NUP155: variants seen among roughly 807,000 people sequenced by gnomAD.
NUP155 encodes the protein nucleoporin 155, also known as nuclear pore complex protein Nup155.
Under a neutral mutation model 180.4 loss-of-function variants are expected in NUP155, and 71 were observed. The observed-to-expected ratio is 0.39, with a 90% CI of 0.33 to 0.48. NUP155 has a LOEUF of 0.48. Ranked by LOEUF, NUP155 falls within the 20% of genes least tolerant of loss-of-function variation. The probability of loss-of-function intolerance (pLI) is 0.91; values close to 1 mark genes in which losing one functional copy is unlikely to be tolerated. For missense variants in NUP155, 1,553 were observed against 1,648.9 expected, an observed-to-expected ratio of 0.94 and a Z score of 1.01; for synonymous variants, 582 against 559.5, an observed-to-expected ratio of 1.04 and a Z score of -0.57.
intron 20 of NUP155, among the ~76,000 whole-genome samples, chr5:37,318,355 A>G (rs1744035617): frequency 6.6e-6 from 1 of 152,108 alleles, no homozygotes; most frequent in Non-Finnish European, 1.5e-5. Context: ...TCAAGTAAAA[A>G]GAGGGGGTAA....
In NUP155 at chr5:37,299,430, C is replaced by G. The variant is rs371935922; in HGVS notation, c.3682+18G>C. The G allele has an allele frequency of 1.4e-5, 23 of 1,613,812 alleles. No individual in the cohort carries two copies. Among genetic ancestry groups the G allele is most frequent in the Non-Finnish European group, 1.9e-5 (22 of 1,179,914 alleles). ...CACTACATAACGTATGCTAACATAC[C>G]TATAACTGAACACTTACCTTTCTCT... On this transcript the variant is annotated intron_variant, in intron 31 of 34. Coordinates refer to ENST00000231498, the MANE Select transcript of NUP155 (RefSeq NM_153485.3).
At chr5:37,358,023 T>C in intron 4 of NUP155, 58 bp downstream of exon 4, 5 of 1,183,198 alleles carry the variant, frequency 4.2e-6, no homozygotes, top group Non-Finnish European at 6.3e-6. Context: ...TTCAGGTCTA[T>C]ACCATTTGGA....
chr5:37,336,185 TA>T (rs1052661210), intron 12 of NUP155, among the ~76,000 whole-genome samples: 2 of 151,206 alleles, frequency 1.3e-5, no homozygotes, highest in Admixed American at 6.6e-5. Context: ...GCATTTGTTC[TA>T]AAAAAAAAGT....
At chr5:37,337,044 T>G (rs892562442) in intron 12 of NUP155, among the ~76,000 whole-genome samples, 5 of 152,064 alleles carry the variant, frequency 3.3e-5, no homozygotes, top group African/African-American at 1.2e-4. Context: ...GCAGGACTAT[T>G]CAGGAGGACA....
chr5:37,294,239 A>G, intron 33 of NUP155, 90 bp downstream of exon 33: 1 of 890,884 alleles, frequency 1.1e-6, no homozygotes. Flanking sequence ...GTGATAGGAT[A>G]CAAAAATGCA....
intron 3 of NUP155, among the ~76,000 whole-genome samples, chr5:37,363,442 A>C (rs1448836811): frequency 6.6e-6 from 1 of 152,246 alleles, no homozygotes; most frequent in Non-Finnish European, 1.5e-5. Flanking sequence ...GCTTTCACTC[A>C]GAATCATTTC....
chr5:37,340,385 C>T (rs1745633736), intron 11 of NUP155, among the ~76,000 whole-genome samples: 1 of 151,456 alleles, frequency 6.6e-6, no homozygotes, highest in African/African-American at 2.4e-5. Context: ...GCGGAGGTTG[C>T]AGTGAGCAGA....
At chr5:37,299,877 TA>T (rs11346142) in intron 30 of NUP155, among the ~76,000 whole-genome samples, 45,582 of 145,584 alleles carry the variant, frequency 0.31, 10,383 homozygotes, top group African/African-American at 0.65. Flanking sequence ...TACTAAAATT[TA>T]AAAAAAAAAA....
At position 37,348,515 on chromosome 5, in the gene NUP155, TACC is replaced by T; in HGVS notation, c.982_984del (p.Gly328del). ...TAAATTACATGTTACCTAGCAATGTTACCAGCAGCAGAGACAATGGCATTCTGT... is the reference window on the plus strand; with the variant it reads ...TAAATTACATGTTACCTAGCAATGTTAGCAGCAGAGACAATGGCATTCTGT... On this transcript the variant is annotated inframe_deletion, in exon 9 of 35. Transcript: ENST00000231498. The T allele has an allele frequency of 6.2e-7, 1 of 1,602,174 alleles. No individual in the cohort carries two copies. The highest frequency in any genetic ancestry group is 8.6e-7 in the Non-Finnish European group (1 of 1,169,170).
rs58198308 is a variant in NUP155, at chr5:37,368,209, C to CTTTTT, written c.157+2607_157+2611dup. On this transcript the variant is annotated intron_variant, in intron 1 of 34. Transcript: ENST00000231498. Reference sequence around the variant, plus strand: ...ACAGGCATGAGGCACAGCGCCAGGCCTTTTTTTTTTTTTTTTTTTTTTTTT... The same window carrying CTTTTT: ...ACAGGCATGAGGCACAGCGCCAGGCCTTTTTTTTTTTTTTTTTTTTTTTTTTTTTT... Among the ~76,000 whole-genome samples, 8 of 52,868 alleles carry CTTTTT rather than the reference C, an allele frequency of 1.5e-4. 1 individual carries two copies. Among genetic ancestry groups the CTTTTT allele is most frequent in the African/African-American group, 6.0e-4 (8 of 13,236 alleles). 34.7% of individuals were successfully genotyped at this position (52,868 alleles called of 152,430 possible). A position where few individuals can be genotyped will look rare whatever the true frequency, so the allele number is the denominator to read the frequency against.
chr5:37,365,735 A>AT (rs1363145775), intron 1 of NUP155, among the ~76,000 whole-genome samples: 4 of 46,218 alleles, frequency 8.7e-5, no homozygotes, highest in African/African-American at 2.5e-4. Context: ...AAAAAAAAAA[A>AT]AAAATATATA....
At chr5:37,338,591 G>A (rs1353194571) in intron 11 of NUP155, among the ~76,000 whole-genome samples, 1 of 151,888 alleles carries the variant, frequency 6.6e-6, no homozygotes, top group African/African-American at 2.4e-5. Context: ...ATTTTTAGTA[G>A]AGACGAGGTT....
chr5:37,322,752 T>A (rs1306173306), intron 20 of NUP155, among the ~76,000 whole-genome samples: 2 of 148,306 alleles, frequency 1.3e-5, no homozygotes, highest in Non-Finnish European at 3.0e-5. Context: ...GTGGATCACC[T>A]GAAGGTGGTC....
chr5:37,304,334 C>T (rs1345039127), intron 27 of NUP155, among the ~76,000 whole-genome samples: 1 of 150,962 alleles, frequency 6.6e-6, no homozygotes, highest in African/African-American at 2.4e-5. Flanking sequence ...GCTATTGATT[C>T]CTAGACATTG....
In NUP155 at chr5:37,293,012, G is replaced by A. The variant is rs766474660; in HGVS notation, c.3931-27C>T. On this transcript the variant is annotated intron_variant, in intron 33 of 34. Transcript: ENST00000231498. Reference sequence around the variant, plus strand: ...TATGAAGAAATATACATAATGAAATGTGAGGCAAATTGTGTCAATTGATTA... The same window carrying A: ...TATGAAGAAATATACATAATGAAATATGAGGCAAATTGTGTCAATTGATTA... 1.8e-4 allele frequency: 256 copies of A among 1,410,720 alleles called. 1 individual carries two copies. The highest frequency in any genetic ancestry group is 1.3e-5 in the Non-Finnish European group (13 of 995,164). The allele number at this position is 1,410,720 out of a possible 1,614,324, so 87.4% of individuals were successfully genotyped here.
At chr5:37,353,460 T>C (rs1451686425) in intron 4 of NUP155, among the ~76,000 whole-genome samples, 2 of 151,986 alleles carry the variant, frequency 1.3e-5, no homozygotes, top group Non-Finnish European at 2.9e-5. Context: ...CACGTGCCTG[T>C]AGTACCAGCT....
chr5:37,329,873 T>C (rs1288679967), intron 15 of NUP155, among the ~76,000 whole-genome samples, 165 bp downstream of exon 15: 1 of 152,238 alleles, frequency 6.6e-6, no homozygotes, highest in Non-Finnish European at 1.5e-5. Flanking sequence ...TTGCTTCTAT[T>C]ACCATTATAA....
intron 32 of NUP155, 93 bp downstream of exon 32, chr5:37,298,769 AAACTCT>A: frequency 1.3e-6 from 1 of 742,644 alleles, no homozygotes; most frequent in South Asian, 1.5e-5. Context: ...AATAGCAAAG[AAACTCT>A]TTATTTTACT....
At chr5:37,369,487 G>C (rs748216894) in intron 1 of NUP155, among the ~76,000 whole-genome samples, 2 of 152,184 alleles carry the variant, frequency 1.3e-5, no homozygotes, top group Non-Finnish European at 2.9e-5. Context: ...GGGTGAAAGA[G>C]GAAGGTGTGT....
Sources: allele counts gnomAD v4.1 joint callset (sites outside exome capture counted in the v4.1 genomes callset), GRCh38; gene constraint gnomAD v4.1.1; transcripts MANE v1.5; gene names NCBI Gene and HGNC (gene_info 2026-07-23, HGNC 2026-07-21).